Variants in LDLRAD4 observed in about 807,000 individuals in gnomAD.
LDLRAD4 encodes low density lipoprotein receptor class A domain containing 4.
In LDLRAD4, 5 loss-of-function variants were observed where a neutral mutation model predicts 17.0. The observed-to-expected ratio is 0.29, with a 90% CI of 0.15 to 0.62. LDLRAD4 has a LOEUF of 0.62. Among genes scored for constraint, LDLRAD4 ranks in the 20% least tolerant of loss-of-function variants. LDLRAD4 has a pLI of 0.84. For missense variants in LDLRAD4, 340 were observed against 424.7 expected (o/e 0.80, Z 1.75); for synonymous variants, 168 against 171.8 (o/e 0.98, Z 0.17).
chr18:13,385,491 G>T (rs2145181905), intron 1 of LDLRAD4, among the ~76,000 whole-genome samples: 1 of 152,216 alleles, frequency 6.6e-6, no homozygotes, highest in Non-Finnish European at 1.5e-5. Flanking sequence ...AAGTGAGGTA[G>T]CATAACTTCT....
At position 13,558,626 on chromosome 18, in the gene LDLRAD4, G is replaced by A. The variant is rs2094508303; in HGVS notation, c.182-62491G>A. ...ATGGCTCAGTCGTAAATGTTTATCA[G>A]CTAGCTGAACGAGTCCCACGAGGAC... On this transcript the variant is annotated intron_variant, in intron 3 of 5. Transcript: ENST00000359446. Among the ~76,000 whole-genome samples the A allele has an allele frequency of 2.6e-5, 4 of 152,328 alleles. No homozygotes were observed. The South Asian group carries it at 8.3e-4, about 32-fold the overall frequency.
At chr18:13,329,219 A>G (rs2081709333) in intron 1 of LDLRAD4, among the ~76,000 whole-genome samples, 1 of 152,206 alleles carries the variant, frequency 6.6e-6, no homozygotes, top group Admixed American at 6.5e-5. Context: ...TGCAGTTTTG[A>G]GTGATTATTA....
chr18:13,390,030 G>T (rs968127537), intron 2 of LDLRAD4, among the ~76,000 whole-genome samples: 6 of 152,118 alleles, frequency 3.9e-5, no homozygotes, highest in Non-Finnish European at 8.8e-5. Context: ...TATATTGGTA[G>T]GTTCCAGTGA....
Position 13,389,580 on chromosome 18 carries a change from C to T in LDLRAD4, c.40+1818C>T, listed in dbSNP as rs920188365. 3.3e-5 allele frequency among the ~76,000 whole-genome samples: 5 copies of T among 152,094 alleles called. 1 individual carries two copies. The South Asian group carries it at 6.2e-4, about 19-fold the overall frequency. ...AAGTGAGCATGGGACAAAAAGAGCC[C>T]GAGGAAAAGTGGCACACTCTTAGGA... On this transcript the variant is annotated intron_variant, in intron 2 of 5. Coordinates refer to ENST00000359446, the Ensembl canonical transcript of LDLRAD4.
chr18:13,310,895 G>C (rs558486273), intron 1 of LDLRAD4, among the ~76,000 whole-genome samples: 1 of 152,278 alleles, frequency 6.6e-6, no homozygotes, highest in Admixed American at 6.5e-5. Flanking sequence ...TGACATGTTG[G>C]AAAGATGCAG....
At chr18:13,336,820 G>A (rs554180247) in intron 1 of LDLRAD4, among the ~76,000 whole-genome samples, 3 of 151,924 alleles carry the variant, frequency 2.0e-5, no homozygotes, top group East Asian at 1.9e-4. Flanking sequence ...CTTTCAAGGC[G>A]ATTGCCTCAT....
chr18:13,254,166 G>A (rs1057493285), intron 1 of LDLRAD4, among the ~76,000 whole-genome samples: 4 of 152,254 alleles, frequency 2.6e-5, no homozygotes, highest in Admixed American at 6.5e-5. Context: ...GAACACGGAC[G>A]GGCGGTGTCG....
intron 1 of LDLRAD4, among the ~76,000 whole-genome samples, chr18:13,262,974 T>G (rs865811711): frequency 0.067 from 757 of 11,378 alleles, 39 homozygotes; most frequent in African/African-American, 0.18. Flanking sequence ...GCGGCTCTGT[T>G]TGTGGGGGTT....
intron 4 of LDLRAD4, among the ~76,000 whole-genome samples, chr18:13,638,343 C>CT (rs2042250113): frequency 6.6e-6 from 1 of 152,202 alleles, no homozygotes; most frequent in South Asian, 2.1e-4. Context: ...TATGCAATGG[C>CT]TACCTACCTC....
chr18:13,312,344 T>C (rs2047286290), intron 1 of LDLRAD4, among the ~76,000 whole-genome samples: 1 of 152,210 alleles, frequency 6.6e-6, no homozygotes, highest in Non-Finnish European at 1.5e-5. Context: ...CATGCAGATA[T>C]TCCAAAATCT....
At chr18:13,404,245 G>A (rs1285455361) in intron 2 of LDLRAD4, among the ~76,000 whole-genome samples, 3 of 152,216 alleles carry the variant, frequency 2.0e-5, no homozygotes, top group Non-Finnish European at 4.4e-5. Flanking sequence ...CCTTCCCCTG[G>A]GGGGCATCAC....
chr18:13,229,335 A>G (rs575244076), intron 1 of LDLRAD4, among the ~76,000 whole-genome samples: 8 of 152,344 alleles, frequency 5.3e-5, no homozygotes, highest in African/African-American at 1.7e-4. Flanking sequence ...TCTAGGTCTC[A>G]GTTCACCTCT....
At chr18:13,432,510 T>C (rs1438529088) in intron 2 of LDLRAD4, among the ~76,000 whole-genome samples, 1 of 152,138 alleles carries the variant, frequency 6.6e-6, no homozygotes, top group Admixed American at 6.5e-5. Context: ...AGAGTGGCTG[T>C]TTCTGGTTGA....
intron 3 of LDLRAD4, among the ~76,000 whole-genome samples, chr18:13,607,692 G>A (rs1260483256): frequency 3.9e-5 from 6 of 152,052 alleles, no homozygotes; most frequent in East Asian, 1.9e-4. Context: ...GAGAACATGT[G>A]GTGTTTGGTT....
At chr18:13,384,623 T>C (rs932083634) in intron 1 of LDLRAD4, among the ~76,000 whole-genome samples, 7 of 152,222 alleles carry the variant, frequency 4.6e-5, no homozygotes, top group African/African-American at 1.7e-4. Flanking sequence ...TTCTGTGAGA[T>C]TGACTCTTTC....
At chr18:13,578,153 C>T (rs1169612228) in intron 3 of LDLRAD4, among the ~76,000 whole-genome samples, 1 of 152,172 alleles carries the variant, frequency 6.6e-6, no homozygotes. Flanking sequence ...TATACCAAGT[C>T]TCATGTGTAG....
chr18:13,341,791 G>A (rs1487926733), intron 1 of LDLRAD4, among the ~76,000 whole-genome samples: 2 of 152,112 alleles, frequency 1.3e-5, no homozygotes, highest in East Asian at 3.8e-4. Context: ...GGCAAAAGTG[G>A]ACTTTCTTGT....
chr18:13,281,660 GAGGGATCCCAGGTTTGGGGGTTCTATTC>G (rs1204167109), intron 1 of LDLRAD4, among the ~76,000 whole-genome samples: 4 of 152,264 alleles, frequency 2.6e-5, no homozygotes, highest in African/African-American at 9.6e-5. Context: ...GGGATCCTGG[GAGGGATCCCAGGTTTGGGGGTTCTATTC>G]AGGGGTCTCC....
At chr18:13,459,371 GT>G (rs71366053) in intron 3 of LDLRAD4, among the ~76,000 whole-genome samples, 2 of 148,188 alleles carry the variant, frequency 1.3e-5, no homozygotes, top group South Asian at 2.1e-4. Context: ...AACATTTGGT[GT>G]TTTTTTTTTC....
Sources: gnomAD v4.1 joint callset for allele counts (sites outside exome capture counted in the v4.1 genomes callset) on GRCh38, gnomAD v4.1.1 for gene constraint, MANE v1.5 for transcripts, NCBI Gene and HGNC (gene_info 2026-07-23, HGNC 2026-07-21) for gene names.